Variants in NAV1 observed in about 807,000 individuals in gnomAD.
The protein encoded by NAV1 is pore membrane and/or filament interacting like protein 3.
In NAV1, 18 loss-of-function variants were observed where a neutral mutation model predicts 175.2. The observed-to-expected ratio is 0.10, with a 90% CI of 0.07 to 0.15. The LOEUF is 0.15. Ranked by LOEUF, NAV1 falls within the 10% of genes least tolerant of loss-of-function variation. The pLI, the probability that NAV1 is intolerant of heterozygous loss-of-function variation, is 1.00. For synonymous variants in NAV1, 897 were observed against 978.7 expected (o/e 0.92, Z 1.56); for missense variants, 1,731 against 2,436.6 (o/e 0.71, Z 6.10).
intron 3 of NAV1, among the ~76,000 whole-genome samples, chr1:201,751,209 A>G (rs575654696): frequency 4.9e-4 from 75 of 152,350 alleles, no homozygotes; most frequent in African/African-American, 1.8e-3. Context: ...GGAGGAGGTG[A>G]TGTGGCAAGA....
At chr1:201,626,848 TAC>T (rs1221651428) in intron 1 of NAV1, among the ~76,000 whole-genome samples, 1 of 152,232 alleles carries the variant, frequency 6.6e-6, no homozygotes, top group Non-Finnish European at 1.5e-5. Flanking sequence ...ACTTCTGGCA[TAC>T]AGAGTGCTGT....
rs1435970579 is a variant in NAV1 at position 201,642,549 on chromosome 1, CTTTCTTTT to C, written c.5-6082_5-6075del. On this transcript the variant is annotated intron_variant, in intron 2 of 29. Coordinates refer to the NAV1 transcript ENST00000367302. Reference sequence around the variant, plus strand: ...TTTTTCTTTCTTTCTTTCTTTCTTTCTTTCTTTTTTCCCTTTCTTCCCTTCCTTCTCTT... The same window carrying C: ...TTTTTCTTTCTTTCTTTCTTTCTTTCTTCCCTTTCTTCCCTTCCTTCTCTT... Among the ~76,000 whole-genome samples the C allele has an allele frequency of 2.0e-4, 21 of 106,066 alleles. 1 individual carries two copies. The highest frequency in any genetic ancestry group is 5.2e-4 in the Admixed American group (6 of 11,546). The allele number at this position is 106,066 out of a possible 152,430, so 69.6% of individuals were successfully genotyped here.
intron 1 of NAV1, among the ~76,000 whole-genome samples, chr1:201,566,390 G>A (rs1666357154): frequency 6.6e-6 from 1 of 152,086 alleles, no homozygotes; most frequent in South Asian, 2.1e-4. Flanking sequence ...CCAGTACCTA[G>A]TGATATTGCT....
intron 1 of NAV1, 51 bp downstream of exon 5, chr1:201,649,476 C>T: frequency 6.9e-7 from 1 of 1,453,494 alleles, no homozygotes; most frequent in Non-Finnish European, 9.1e-7. Context: ...TCCTAACCAG[C>T]TGCTGGGGAA....
rs1026650596 is a variant in NAV1 at position 201,813,725 on chromosome 1, T to C, written c.5340+467T>C. Among the ~76,000 whole-genome samples, 2 of 152,002 alleles carry C rather than the reference T, an allele frequency of 1.3e-5. No individual in the cohort carries two copies. The highest frequency in any genetic ancestry group is 6.5e-5 in the Admixed American group (1 of 15,272). The stretch of plus-strand genomic sequence containing the variant: ...GCTCTACCTAAATCACTGGAGTCTT[T>C]TGAAGACAAAATGAAATATGTGAAA... On this transcript the variant is annotated intron_variant, in intron 28 of 29. Coordinates refer to ENST00000367296, the Ensembl canonical transcript of NAV1. This position sits in a 1 kb window ranked among gnomAD's most constrained non-coding sequence, Gnocchi z 4.2.
At chr1:201,561,813 G>A (rs1327556695) in intron 1 of NAV1, among the ~76,000 whole-genome samples, 1 of 152,130 alleles carries the variant, frequency 6.6e-6, no homozygotes, top group Non-Finnish European at 1.5e-5. Flanking sequence ...CATCAGCCTG[G>A]GAACTCCCTG....
intron 2 of NAV1, among the ~76,000 whole-genome samples, chr1:201,642,627 TTTCC>T (rs1283136534): frequency 6.8e-5 from 10 of 146,756 alleles, no homozygotes; most frequent in African/African-American, 2.0e-4. Context: ...TCCCTTTCCT[TTTCC>T]TTCCTTCCTT....
At position 201,562,171 on chromosome 1, in the gene NAV1, A is replaced by ATTTT. The variant is rs566214709; in HGVS notation, c.-144+22843_-144+22846dup. On this transcript the variant is annotated intron_variant, in intron 1 of 33. Coordinates refer to the NAV1 transcript ENST00000685211. ...AGGCACACACCACCTTGCCTGGCTA[A>ATTTT]TTTTTTTTTTTTTTTTTGTAGAGAC... Among the ~76,000 whole-genome samples, 230 of 127,238 alleles carry ATTTT rather than the reference A, an allele frequency of 1.8e-3. 4 individuals are homozygous for ATTTT. The highest frequency in any genetic ancestry group is 0.01 in the South Asian group (39 of 3,852). 83.5% of individuals were successfully genotyped at this position (127,238 alleles called of 152,430 possible).
chr1:201,665,192 G>T (rs1400559985), intron 1 of NAV1, among the ~76,000 whole-genome samples: 10 of 144,528 alleles, frequency 6.9e-5, no homozygotes, highest in Non-Finnish European at 1.3e-4. Context: ...CATTCTCCCA[G>T]CTCTCTCCCT....
In NAV1 at chr1:201,736,896, C is replaced by T. The variant is rs186244794; in HGVS notation, c.1226+18141C>T. Among the ~76,000 whole-genome samples, 757 of 152,172 alleles carry T rather than the reference C, an allele frequency of 5.0e-3. 7 individuals are homozygous for T. The highest frequency in any genetic ancestry group is 0.017 in the African/African-American group (708 of 41,506). On this transcript the variant is annotated intron_variant, in intron 3 of 29. Transcript: ENST00000367296. ...CTCCCTTTCAGCAGGTGTCATCCTC[C>T]TCTACCATGTGTCCCTCCGCTGCCC...
Position 201,657,632 on chromosome 1 carries a change from C to T in NAV1, c.757+8207C>T, listed in dbSNP as rs1322058199. On this transcript the variant is annotated intron_variant, in intron 1 of 29. Transcript: ENST00000367296. ...TCTGCATCTCAGAGTGGCTCCCTGC[C>T]GGGGACCCACGGCACCTGGCGGGGC... is the stretch of plus-strand genomic sequence containing the variant. Among the ~76,000 whole-genome samples the T allele has an allele frequency of 5.3e-5, 8 of 152,306 alleles. No individual in the cohort carries two copies. In the East Asian group the frequency reaches 1.2e-3, roughly 22 times the overall value.
intron 9 of NAV1, 105 bp downstream of exon 13, chr1:201,786,682 T>G: frequency 8.6e-7 from 1 of 1,162,914 alleles, no homozygotes; most frequent in Non-Finnish European, 1.2e-6. Context: ...GTTTGACTCA[T>G]GCTGTATTGG....
intron 2 of NAV1, among the ~76,000 whole-genome samples, chr1:201,615,942 G>A (rs1055822445): frequency 6.6e-6 from 1 of 152,156 alleles, no homozygotes; most frequent in Non-Finnish European, 1.5e-5. Context: ...TGGAAGCTCA[G>A]GAGAATGAGG....
chr1:201,683,711 C>G (rs1670558342), intron 1 of NAV1, among the ~76,000 whole-genome samples: 2 of 152,282 alleles, frequency 1.3e-5, no homozygotes, highest in South Asian at 4.1e-4. Context: ...TGACTTATCA[C>G]TGTTGATGTT....
chr1:201,623,052 C>A (rs1050845450), exon 1 of NAV1: 22 of 985,850 alleles, frequency 2.2e-5, no homozygotes, highest in Non-Finnish European at 2.5e-5. Flanking sequence ...CAGCCTCCCC[C>A]AGACTGGGAA....
At chr1:201,559,398 A>G (rs1666130277) in intron 1 of NAV1, among the ~76,000 whole-genome samples, 1 of 152,120 alleles carries the variant, frequency 6.6e-6, no homozygotes, top group African/African-American at 2.4e-5. Context: ...CACCAGGAAC[A>G]GTGCTCTTCC....
At chr1:201,686,255 C>G (rs1670682815) in intron 1 of NAV1, among the ~76,000 whole-genome samples, 1 of 151,114 alleles carries the variant, frequency 6.6e-6, no homozygotes, top group Non-Finnish European at 1.5e-5. Flanking sequence ...ATACTCACTC[C>G]CCTCAAGCTG....
intron 1 of NAV1, among the ~76,000 whole-genome samples, chr1:201,574,700 T>A (rs1290168015): frequency 1.3e-5 from 2 of 152,212 alleles, no homozygotes; most frequent in African/African-American, 4.8e-5. Context: ...CTCAGATCAA[T>A]TCTGTTGCCA....
At chr1:201,753,080 G>C (rs1452014311) in intron 3 of NAV1, among the ~76,000 whole-genome samples, 1 of 152,138 alleles carries the variant, frequency 6.6e-6, no homozygotes, top group Non-Finnish European at 1.5e-5. Context: ...GAAGGAATTA[G>C]AAACTCACAC....
Sources: gnomAD v4.1 joint callset for allele counts (sites outside exome capture counted in the v4.1 genomes callset) on GRCh38, gnomAD v4.1.1 for gene constraint, Gnocchi (gnomAD v3.1) non-coding constraint, MANE v1.5 for transcripts, NCBI Gene and HGNC (gene_info 2026-07-23, HGNC 2026-07-21) for gene names.